Variants in DCP2 observed in about 807,000 individuals in gnomAD.
DCP2 encodes m7GpppN-mRNA hydrolase.
Under a neutral mutation model 56.1 loss-of-function variants are expected in DCP2, and 30 were observed. The observed-to-expected ratio is 0.53, with a 90% CI of 0.40 to 0.73. DCP2 has a LOEUF of 0.73. Ranked by LOEUF, DCP2 falls within the 30% of genes least tolerant of loss-of-function variation. The pLI is 0.00. For missense variants in DCP2, 533 were observed against 502.7 expected (o/e 1.06, Z -0.58); for synonymous variants, 197 against 163.3 (o/e 1.21, Z -1.57).
At chr5:112,994,163 CTTTTTTTTTTTTTT>C (rs771514208) in intron 4 of DCP2, among the ~76,000 whole-genome samples, 2 of 75,152 alleles carry the variant, frequency 2.7e-5, no homozygotes, top group South Asian at 4.4e-4. Context: ...TTTTTTCTTT[CTTTTTTTTTTTTTT>C]TTTTTTTTTT....
chr5:112,988,216 C>T (rs996149847), intron 2 of DCP2, among the ~76,000 whole-genome samples: 1 of 151,786 alleles, frequency 6.6e-6, no homozygotes, highest in Non-Finnish European at 1.5e-5. Context: ...GGTGCGGTGG[C>T]TCATGCCTGT....
intron 1 of DCP2, among the ~76,000 whole-genome samples, chr5:112,980,464 A>G (rs529132711): frequency 1.3e-3 from 204 of 152,218 alleles, no homozygotes; most frequent in Non-Finnish European, 2.6e-3. Flanking sequence ...TGTTTGTAGG[A>G]ACACTGAGAA....
chr5:113,000,428 A>ACACC (rs1749123252), intron 4 of DCP2, among the ~76,000 whole-genome samples: 1 of 146,966 alleles, frequency 6.8e-6, no homozygotes, highest in Non-Finnish European at 1.5e-5. Context: ...ACACACACCC[A>ACACC]CACACCCTAC....
intron 1 of DCP2, among the ~76,000 whole-genome samples, chr5:112,985,266 AAAAG>A (rs1748224498): frequency 6.6e-6 from 1 of 152,158 alleles, no homozygotes. Flanking sequence ...ATTTATATGT[AAAAG>A]AAATATGTCT....
chr5:113,003,871 A>T, intron 7 of DCP2, 71 bp from the exon 8 acceptor site: 1 of 1,508,208 alleles, frequency 6.6e-7, no homozygotes, highest in Non-Finnish European at 9.1e-7. Flanking sequence ...CTATAAATTT[A>T]ACTATTAAGG....
intron 2 of DCP2, among the ~76,000 whole-genome samples, chr5:112,990,653 G>A (rs1358290843): frequency 6.6e-6 from 1 of 152,032 alleles, no homozygotes; most frequent in African/African-American, 2.4e-5. Context: ...TGTTGCCCAG[G>A]CTGGTCTTGA....
At position 113,007,983 on chromosome 5, in the gene DCP2, C is replaced by G; in HGVS notation, c.988C>G (p.Pro330Ala). Reference sequence around the variant, plus strand: ...TGGCAGAAAACAGTATCAAGATTCACCTAATCAAAAGAAAAGAACAAATGG... The same window carrying G: ...TGGCAGAAAACAGTATCAAGATTCAGCTAATCAAAAGAAAAGAACAAATGG... ...GNGRKQYQDS[P>A]NQKKRTNGLQ... Residue 330 changes from proline to alanine, a missense_variant, in exon 9 of 11, where the codon CCT (proline) becomes GCT (alanine). Pro to Ala is a conservative substitution (Grantham distance 27). Coordinates refer to ENST00000389063, the MANE Select transcript of DCP2 (RefSeq NM_152624.6). The G allele has an allele frequency of 6.2e-7, 1 of 1,613,870 alleles. No individual in the cohort carries two copies. The highest frequency in any genetic ancestry group is 8.5e-7 in the Non-Finnish European group (1 of 1,179,880).
rs764522478 is a variant in DCP2 at position 113,013,493 on chromosome 5, C to T, written c.*9C>T. 1 of 1,613,556 alleles carries T rather than the reference C, an allele frequency of 6.2e-7. No homozygotes were observed. Among genetic ancestry groups the T allele is most frequent in the Non-Finnish European group, 8.5e-7 (1 of 1,179,728 alleles). ...AAATCTTGGACCTTTGATAGCAGCA[C>T]ATGTATTGTAAATGTCCCAGGATCA... On this transcript the variant is annotated 3_prime_UTR_variant, in exon 11 of 11. Coordinates refer to ENST00000389063, the MANE Select transcript of DCP2 (RefSeq NM_152624.6).
Position 113,018,323 on chromosome 5 carries a change from T to C in DCP2, c.*4839T>C, listed in dbSNP as rs1189843089. On this transcript the variant is annotated 3_prime_UTR_variant, in exon 11 of 11. Coordinates refer to ENST00000389063, the MANE Select transcript of DCP2 (RefSeq NM_152624.6). ...TGAGAATTGTTCATAATGAAATCTTTAATCTGGGTTATCAGAGTAATGAAA... is the reference window on the plus strand; with the variant it reads ...TGAGAATTGTTCATAATGAAATCTTCAATCTGGGTTATCAGAGTAATGAAA... The C allele has an allele frequency of 6.6e-6, 1 of 152,222 alleles. No homozygotes were observed. Among genetic ancestry groups the C allele is most frequent in the Non-Finnish European group, 1.5e-5 (1 of 68,036 alleles). The allele number at this position is 152,222 out of a possible 1,614,324, so 9.4% of individuals were successfully genotyped here. A position where few individuals can be genotyped will look rare whatever the true frequency, so the allele number is the denominator to read the frequency against.
rs533960153 is a variant in DCP2, at chr5:112,976,892, G to T, written c.-42G>T. The stretch of plus-strand genomic sequence containing the variant: ...AGTGCCGTACCGTCAGTCCCCGGCC[G>T]CGCGGAGCCGGGATGCACTGTTCCT... On this transcript the variant is annotated 5_prime_UTR_variant, in exon 1 of 11. Transcript: ENST00000389063. 4.4e-6 allele frequency: 7 copies of T among 1,605,478 alleles called. No individual in the cohort carries two copies. The highest frequency in any genetic ancestry group is 6.0e-6 in the Non-Finnish European group (7 of 1,172,184).
intron 2 of DCP2, among the ~76,000 whole-genome samples, chr5:112,988,703 T>C (rs75902184): frequency 0.011 from 1,665 of 152,198 alleles, 42 homozygotes; most frequent in African/African-American, 0.038. Context: ...AATAGAAATA[T>C]ATTGAGCACT....
intron 4 of DCP2, among the ~76,000 whole-genome samples, chr5:113,000,061 C>CAAAAAA (rs60251393): frequency 1.6e-4 from 14 of 89,900 alleles, no homozygotes; most frequent in East Asian, 9.5e-4. Flanking sequence ...AACTCCATCT[C>CAAAAAA]AAAAAAAAAA....
At chr5:112,999,634 T>A (rs1414771923) in intron 4 of DCP2, among the ~76,000 whole-genome samples, 2 of 151,842 alleles carry the variant, frequency 1.3e-5, no homozygotes, top group Non-Finnish European at 2.9e-5. Context: ...GCCTTTTTTT[T>A]TTTTTTTTTA....
At chr5:112,987,476 A>G (rs1425057850) in intron 2 of DCP2, among the ~76,000 whole-genome samples, 1 of 151,994 alleles carries the variant, frequency 6.6e-6, no homozygotes, top group East Asian at 1.9e-4. Context: ...ACAAACCGAG[A>G]CAGCCTCACT....
At chr5:112,983,532 A>G (rs962101941) in intron 1 of DCP2, among the ~76,000 whole-genome samples, 1 of 152,236 alleles carries the variant, frequency 6.6e-6, no homozygotes, top group Non-Finnish European at 1.5e-5. Flanking sequence ...ATAGAAACAT[A>G]AAGACTCACA....
intron 1 of DCP2, among the ~76,000 whole-genome samples, chr5:112,980,698 G>T (rs978837481): frequency 6.6e-6 from 1 of 152,078 alleles, no homozygotes; most frequent in African/African-American, 2.4e-5. Flanking sequence ...ATGTAATCAT[G>T]TACATGGTTT....
At chr5:112,983,806 A>G (rs1748122773) in intron 1 of DCP2, among the ~76,000 whole-genome samples, 1 of 152,270 alleles carries the variant, frequency 6.6e-6, no homozygotes, top group Non-Finnish European at 1.5e-5. Flanking sequence ...TCTTCTCAAT[A>G]TCAAAATTGC....
intron 1 of DCP2, among the ~76,000 whole-genome samples, chr5:112,978,799 A>G (rs540823760): frequency 6.6e-6 from 1 of 152,298 alleles, no homozygotes; most frequent in South Asian, 2.1e-4. Flanking sequence ...TTTGTTTCCA[A>G]TATTTTTTAT....
At position 113,019,393 on chromosome 5, in the gene DCP2, A is replaced by G. The variant is rs1267218143; in HGVS notation, c.*5909A>G. Reference sequence around the variant, plus strand: ...ATGATACGCACTGACAGAAAAGCACAGAAGACATACTGCTAAGAGTTTCTT... The same window carrying G: ...ATGATACGCACTGACAGAAAAGCACGGAAGACATACTGCTAAGAGTTTCTT... On this transcript the variant is annotated 3_prime_UTR_variant, in exon 11 of 11. Coordinates refer to ENST00000389063, the MANE Select transcript of DCP2 (RefSeq NM_152624.6). The G allele has an allele frequency of 6.6e-6, 1 of 152,230 alleles. No individual in the cohort carries two copies. Among genetic ancestry groups the G allele is most frequent in the East Asian group, 1.9e-4 (1 of 5,196 alleles). The allele number at this position is 152,230 out of a possible 1,614,324, so 9.4% of individuals were successfully genotyped here.
Sources: allele counts gnomAD v4.1 joint callset (sites outside exome capture counted in the v4.1 genomes callset), GRCh38; gene constraint gnomAD v4.1.1; transcripts MANE v1.5; gene names NCBI Gene and HGNC (gene_info 2026-07-23, HGNC 2026-07-21).